ZNF337: variants seen among roughly 807,000 people sequenced by gnomAD.
The protein encoded by ZNF337 is zinc finger protein 337.
A neutral mutation model predicts 12.1 loss-of-function variants in ZNF337; 8 were observed. The observed-to-expected ratio is 0.66, with a 90% confidence interval of 0.39 to 1.19. The LOEUF (loss-of-function observed/expected upper bound fraction) is 1.19. ZNF337 is among the 50% of genes most tolerant of loss of function. ZNF337 has a pLI of 0.01. For synonymous variants in ZNF337, 336 were observed against 320.0 expected (o/e 1.05, Z -0.53); for missense variants, 882 against 896.6 (o/e 0.98, Z 0.21).
chr20:25,694,873 G>T (rs373220481), intron 1 of ZNF337, among the ~76,000 whole-genome samples: 7 of 152,288 alleles, frequency 4.6e-5, no homozygotes, highest in East Asian at 3.9e-4. Flanking sequence ...AGATTGAAAT[G>T]GATAGCCCCG....
At position 25,685,561 on chromosome 20, in the gene ZNF337, C is replaced by A. The variant is rs2065821281; in HGVS notation, c.250+6G>T. 5 of 1,612,818 alleles carry A rather than the reference C, an allele frequency of 3.1e-6. No individual in the cohort carries two copies. In the East Asian group the frequency reaches 1.1e-4, roughly 36 times the overall value. ...TGTGCTCTGTCTGCCCTGTCTATCC[C>A]CTCACCTGCACAGGGGCCTGGCCGG... is the stretch of plus-strand genomic sequence containing the variant. On this transcript the variant is annotated splice_donor_region_variant and intron_variant, in intron 4 of 4. Transcript: ENST00000252979.
rs187514339 is a variant in ZNF337, at chr20:25,689,177, G to A, written c.-49-2711C>T. On this transcript the variant is annotated intron_variant, in intron 1 of 4. Coordinates refer to ENST00000252979, the MANE Select transcript of ZNF337 (RefSeq NM_015655.4). ...AAATTAGTCGGGTGTGGTGGCGAGC[G>A]CCTGTAGTCCCAGCTACTCAGGAGT... Among the ~76,000 whole-genome samples, 12 of 151,134 alleles carry A rather than the reference G, an allele frequency of 7.9e-5. No individual in the cohort carries two copies. The East Asian group carries it at 1.9e-3, about 25-fold the overall frequency.
intron 4 of ZNF337, 130 bp downstream of exon 4, chr20:25,685,437 C>A (rs1468760659): frequency 2.9e-6 from 2 of 698,004 alleles, no homozygotes; most frequent in East Asian, 5.3e-5. Flanking sequence ...GGAAGGAAGG[C>A]AGGGCCAGGT....
At chr20:25,693,323 C>T (rs1197652776) in intron 1 of ZNF337, among the ~76,000 whole-genome samples, 4 of 152,132 alleles carry the variant, frequency 2.6e-5, no homozygotes, top group African/African-American at 7.2e-5. Flanking sequence ...GTAATCTGCC[C>T]GCCTTGGCCT....
intron 1 of ZNF337, among the ~76,000 whole-genome samples, chr20:25,687,638 A>G (rs1416918142): frequency 6.6e-6 from 1 of 152,248 alleles, no homozygotes; most frequent in Non-Finnish European, 1.5e-5. Context: ...AAGGAAAAAC[A>G]TTAAGCTGAA....
Position 25,675,391 on chromosome 20 carries a change from A to G in ZNF337, c.1897T>C (p.Cys633Arg), listed in dbSNP as rs773583861. 1.9e-6 allele frequency: 3 copies of G among 1,613,698 alleles called. No homozygotes were observed. Among genetic ancestry groups the G allele is most frequent in the Admixed American group, 1.7e-5 (1 of 59,974 alleles). The change falls in exon 5 of 5, where the codon TGT becomes CGT. Residue 633 changes from cysteine to arginine, a missense_variant. Coordinates refer to ENST00000252979, the MANE Select transcript of ZNF337 (RefSeq NM_015655.4). ...SGKQPFVCKE[C>R]GRGFNWKGNL... ...CCCTTCCAGTTGAAGCCTCGCCCAC[A>G]CTCCTTGCATACAAAAGGCTGCTTG...
At chr20:25,696,121 T>G (rs1353078520) in intron 1 of ZNF337, among the ~76,000 whole-genome samples, 1 of 104,908 alleles carries the variant, frequency 9.5e-6, no homozygotes, top group African/African-American at 3.8e-5. Context: ...CGTCTAGACG[T>G]GCCCGTGCGA....
At chr20:25,692,732 GA>G (rs1369745736) in intron 1 of ZNF337, among the ~76,000 whole-genome samples, 9 of 152,164 alleles carry the variant, frequency 5.9e-5, no homozygotes, top group Non-Finnish European at 1.3e-4. Context: ...TGTAGGAACA[GA>G]AACTGAGAGC....
chr20:25,687,006 G>A (rs1320077544), intron 1 of ZNF337: 1 of 152,622 alleles, frequency 6.6e-6, no homozygotes, highest in Non-Finnish European at 1.5e-5. Flanking sequence ...CTAAGGCAAT[G>A]AGTGATCCAA....
intron 4 of ZNF337, among the ~76,000 whole-genome samples, chr20:25,685,101 T>C (rs1336951235): frequency 1.3e-5 from 2 of 148,260 alleles, no homozygotes; most frequent in Non-Finnish European, 3.0e-5. Context: ...GTTGTGCACA[T>C]ATACCCCAGA....
intron 1 of ZNF337, 198 bp from the exon 2 acceptor site, chr20:25,686,664 C>G: frequency 1.8e-6 from 1 of 561,260 alleles, no homozygotes; most frequent in East Asian, 2.9e-5. Context: ...TGAAGTGTGC[C>G]CCAGGAGCTG....
At chr20:25,691,748 T>C (rs1240100876) in intron 1 of ZNF337, among the ~76,000 whole-genome samples, 2 of 152,182 alleles carry the variant, frequency 1.3e-5, no homozygotes, top group African/African-American at 4.8e-5. Flanking sequence ...TCAGTTGATT[T>C]TTCTGAATAA....
rs201514609 is a variant in ZNF337 at position 25,676,249 on chromosome 20, G to C, written c.1039C>G (p.Pro347Ala). 7 of 1,613,566 alleles carry C rather than the reference G, an allele frequency of 4.3e-6. No homozygotes were observed. The highest frequency in any genetic ancestry group is 2.2e-5 in the South Asian group (2 of 91,078). Residue 347 changes from proline (P) to alanine (A), a missense_variant, in exon 5 of 5, where the codon CCT becomes GCT. By Grantham distance (27) the Pro-to-Ala change is conservative. Transcript: ENST00000252979. The stretch of plus-strand genomic sequence containing the variant: ...CGGCCACACTCCTGGCATCTGTAAG[G>C]CTTCTCTCCTGAGTGTATTCTCTTG... ...VHKRIHSGEK[P>A]YRCQECGRGF...
rs745966423 is a variant in ZNF337 at position 25,675,843 on chromosome 20, T to C, written c.1445A>G (p.His482Arg). Residue 482 changes from histidine (H) to arginine (R), a missense_variant, in exon 5 of 5, where the codon CAC becomes CGC. Transcript: ENST00000252979. The part of the protein sequence containing the change: ...KSTFTLHQRT[H>R]SEEKPYGCRE... The stretch of plus-strand genomic sequence containing the variant: ...ACATCCATAAGGCTTCTCCTCTGAG[T>C]GTGTCCTCTGGTGTAAAGTGAAGGT... 1.2e-6 allele frequency: 2 copies of C among 1,614,078 alleles called. No homozygotes were observed. The highest frequency in any genetic ancestry group is 2.2e-5 in the East Asian group (1 of 44,892).
chr20:25,680,422 A>G (rs1011045607), intron 4 of ZNF337, among the ~76,000 whole-genome samples: 2 of 152,172 alleles, frequency 1.3e-5, no homozygotes, highest in Non-Finnish European at 2.9e-5. Context: ...CCCAAAACTA[A>G]TACAAAATAG....
chr20:25,696,760 G>A lies in ZNF337; in HGVS notation c.-51C>T, dbSNP rs544240845. ...GGGACCCGCAGGAGCGCAGCTCACC[G>A]GGGCGGCTGAGGGCGAACCGAGGCG... On this transcript the variant is annotated splice_region_variant and 5_prime_UTR_variant, in exon 1 of 5. Coordinates refer to ENST00000252979, the MANE Select transcript of ZNF337 (RefSeq NM_015655.4). 4.1e-6 allele frequency: 4 copies of A among 985,506 alleles called. No individual in the cohort carries two copies. In the African/African-American group the frequency reaches 7.0e-5, roughly 17 times the overall value. 61.0% of individuals were successfully genotyped at this position (985,506 alleles called of 1,614,324 possible). A position where few individuals can be genotyped will look rare whatever the true frequency, so the allele number is the denominator to read the frequency against.
intron 1 of ZNF337, among the ~76,000 whole-genome samples, chr20:25,688,494 T>G (rs1345156611): frequency 1.3e-5 from 2 of 152,224 alleles, no homozygotes; most frequent in Non-Finnish European, 2.9e-5. Flanking sequence ...CATTAATGCT[T>G]GTTCCTGATC....
chr20:25,686,447 G>C lies in ZNF337; in HGVS notation c.-30C>G, dbSNP rs377355685. 5.6e-6 allele frequency: 9 copies of C among 1,613,260 alleles called. No individual in the cohort carries two copies. The African/African-American group carries it at 1.2e-4, about 22-fold the overall frequency. On this transcript the variant is annotated 5_prime_UTR_variant, in exon 2 of 5. Coordinates refer to ENST00000252979, the MANE Select transcript of ZNF337 (RefSeq NM_015655.4). ...GTCTTCCTGCTCTCCACGGAGAAGGGAAGCTTGCAGATGGCCAATCTGTGG... is the reference window on the plus strand; with the variant it reads ...GTCTTCCTGCTCTCCACGGAGAAGGCAAGCTTGCAGATGGCCAATCTGTGG...
rs1467307825 is a variant in ZNF337 at position 25,674,297 on chromosome 20, T to G, written c.*735A>C. 1 of 152,182 alleles carries G rather than the reference T, an allele frequency of 6.6e-6. No homozygotes were observed. The highest frequency in any genetic ancestry group is 1.5e-5 in the Non-Finnish European group (1 of 68,038). 9.4% of individuals were successfully genotyped at this position (152,182 alleles called of 1,614,324 possible). Reference sequence around the variant, plus strand: ...AACATCAGTAGGTGCAGTTGTCTGTTGAGGGCTCATGTCTGTTTCCAAGAT... The same window carrying G: ...AACATCAGTAGGTGCAGTTGTCTGTGGAGGGCTCATGTCTGTTTCCAAGAT... On this transcript the variant is annotated 3_prime_UTR_variant, in exon 5 of 5. Transcript: ENST00000252979.
Sources: gnomAD v4.1 joint callset for allele counts (sites outside exome capture counted in the v4.1 genomes callset) on GRCh38, gnomAD v4.1.1 for gene constraint, MANE v1.5 for transcripts, NCBI Gene and HGNC (gene_info 2026-07-23, HGNC 2026-07-21) for gene names.